UPK3A: variants seen among roughly 807,000 people sequenced by gnomAD.
UPK3A encodes the protein uroplakin-3a.
UPK3A carries 32 observed loss-of-function variants against 27.6 expected under a neutral mutation model. That is an observed-to-expected ratio of 1.16 (90% CI 0.87 to 1.55). The LOEUF is 1.55. UPK3A is among the 40% of genes most tolerant of loss of function. UPK3A has a pLI of 0.00. For missense variants in UPK3A, 370 were observed against 367.9 expected (o/e 1.01, Z -0.05); for synonymous variants, 171 against 163.9 (o/e 1.04, Z -0.33).
At chr22:45,294,813 C>G (rs1424025410) in intron 5 of UPK3A, among the ~76,000 whole-genome samples, 2 of 151,974 alleles carry the variant, frequency 1.3e-5, no homozygotes, top group Non-Finnish European at 2.9e-5. Context: ...CTCCTCAGCC[C>G]TTCCTGCCTC....
intron 4 of UPK3A, among the ~76,000 whole-genome samples, chr22:45,290,759 G>A (rs760001979): frequency 2.6e-5 from 4 of 152,252 alleles, no homozygotes; most frequent in East Asian, 1.9e-4. Context: ...ATTTGCAGCC[G>A]CTCCCTGTAG....
In UPK3A at chr22:45,290,700, G is replaced by A. The variant is rs138756405; in HGVS notation, c.571+1557G>A. Among the ~76,000 whole-genome samples, 121 of 152,188 alleles carry A rather than the reference G, an allele frequency of 8.0e-4. 3 individuals carry two copies. The highest frequency in any genetic ancestry group is 2.9e-3 in the East Asian group (15 of 5,176). On this transcript the variant is annotated intron_variant, in intron 4 of 5. Coordinates refer to ENST00000216211, the MANE Select transcript of UPK3A (RefSeq NM_006953.4). ...TACCAGTCCATGGCCTGTTAGGAAC[G>A]GGACCGCGCAGCAGGAGGTGAGCAG...
intron 2 of UPK3A, 58 bp downstream of exon 2, chr22:45,286,154 A>T (rs1350522779): frequency 6.2e-7 from 1 of 1,605,136 alleles, no homozygotes; most frequent in African/African-American, 1.3e-5. Context: ...GTCTGCAGGG[A>T]GGAGGGAAGG....
In UPK3A at chr22:45,287,236, A is replaced by G; in HGVS notation, c.273A>G (p.Gln91=). Residue 91 remains glutamine, a synonymous_variant, in exon 3 of 6, where the codon CAA becomes CAG. Transcript: ENST00000216211. The part of the protein sequence containing the change: ...TNTPLGSTFL[Q]TEGGRTGPYK... ...CCCCACTGGGCTCAACGTTCCTACAAACAGAGGGTGGGAGGACAGGTCCCT... is the reference window on the plus strand; with the variant it reads ...CCCCACTGGGCTCAACGTTCCTACAGACAGAGGGTGGGAGGACAGGTCCCT... The G allele has an allele frequency of 6.2e-7, 1 of 1,614,182 alleles. No individual in the cohort carries two copies. The highest frequency in any genetic ancestry group is 8.5e-7 in the Non-Finnish European group (1 of 1,180,024).
chr22:45,293,086 C>A, intron 4 of UPK3A, 95 bp from the exon 5 acceptor site: 1 of 1,568,918 alleles, frequency 6.4e-7, no homozygotes, highest in Non-Finnish European at 8.6e-7. Context: ...CCTGGATCCC[C>A]GGCAGCCAGG....
chr22:45,286,936 A>C (rs2084122163), intron 2 of UPK3A, among the ~76,000 whole-genome samples: 1 of 152,188 alleles, frequency 6.6e-6, no homozygotes, highest in Non-Finnish European at 1.5e-5. Context: ...GGGGGGTTGC[A>C]GGAATGTCAC....
At chr22:45,286,728 G>C (rs982229723) in intron 2 of UPK3A, among the ~76,000 whole-genome samples, 35 of 152,252 alleles carry the variant, frequency 2.3e-4, no homozygotes, top group African/African-American at 8.2e-4. Flanking sequence ...GGGCACTGTA[G>C]GGAATTTCTC....
intron 2 of UPK3A, among the ~76,000 whole-genome samples, chr22:45,286,782 T>C (rs2742636): frequency 0.65 from 99,016 of 151,918 alleles, 32,809 homozygotes; most frequent in Non-Finnish European, 0.72. Context: ...TAGAGTGAGT[T>C]GTCCAAGGTC....
intron 4 of UPK3A, among the ~76,000 whole-genome samples, chr22:45,292,740 CA>C (rs942932564): frequency 6.6e-6 from 1 of 151,188 alleles, no homozygotes; most frequent in Non-Finnish European, 1.5e-5. Context: ...CCCATCTCTA[CA>C]AAAAAAAGTA....
intron 3 of UPK3A, among the ~76,000 whole-genome samples, chr22:45,287,699 A>G (rs1054452167): frequency 6.6e-6 from 1 of 152,002 alleles, no homozygotes; most frequent in African/African-American, 2.4e-5. Context: ...GGTCTCCACC[A>G]TTTCCCAGGC....
intron 3 of UPK3A, 143 bp from the exon 4 acceptor site, chr22:45,288,918 C>T: frequency 1.3e-6 from 1 of 775,308 alleles, no homozygotes; most frequent in Non-Finnish European, 2.2e-6. Context: ...AGAGCCCGCT[C>T]AGTAGCCGTC....
chr22:45,288,593 A>C (rs908824470), intron 3 of UPK3A, among the ~76,000 whole-genome samples: 9 of 152,148 alleles, frequency 5.9e-5, no homozygotes, highest in African/African-American at 2.2e-4. Context: ...TCAGCCTCCC[A>C]AACTGTTGGG....
intron 4 of UPK3A, among the ~76,000 whole-genome samples, chr22:45,291,200 G>A (rs555585228): frequency 5.3e-5 from 8 of 152,064 alleles, no homozygotes; most frequent in Non-Finnish European, 8.8e-5. Context: ...GGTTGTGTGT[G>A]TGAATATGAG....
rs77091115 is a variant in UPK3A, at chr22:45,289,577, C to CAA, written c.571+449_571+450dup. Among the ~76,000 whole-genome samples, 22 of 80,196 alleles carry CAA rather than the reference C, an allele frequency of 2.7e-4. 1 individual carries two copies. Among genetic ancestry groups the CAA allele is most frequent in the South Asian group, 7.1e-4 (2 of 2,830 alleles). 52.6% of individuals were successfully genotyped at this position (80,196 alleles called of 152,430 possible). ...TGGGCGACAGAGTGAGACTCCGTCT[C>CAA]AAAAAAAAAAAAAAAAGAAAAAAAA... On this transcript the variant is annotated intron_variant, in intron 4 of 5. Transcript: ENST00000216211.
chr22:45,287,957 G>A (rs550616248), intron 3 of UPK3A, among the ~76,000 whole-genome samples: 1 of 152,256 alleles, frequency 6.6e-6, no homozygotes, highest in South Asian at 2.1e-4. Flanking sequence ...GAGCTGCCAT[G>A]CCTGGCCCAT....
At chr22:45,290,331 A>G (rs1040506641) in intron 4 of UPK3A, among the ~76,000 whole-genome samples, 3 of 152,132 alleles carry the variant, frequency 2.0e-5, no homozygotes, top group African/African-American at 7.2e-5. Context: ...TGTGCATTTC[A>G]CCTGCAGAGC....
At chr22:45,288,993 C>A in intron 3 of UPK3A, 68 bp from the exon 4 acceptor site, 1 of 1,531,834 alleles carries the variant, frequency 6.5e-7, no homozygotes, top group Admixed American at 1.7e-5. Context: ...CCTACATCCC[C>A]CCACCGCCTC....
chr22:45,294,835 G>A (rs1482159877), intron 5 of UPK3A, among the ~76,000 whole-genome samples: 1 of 150,380 alleles, frequency 6.6e-6, no homozygotes. Context: ...CACCCACCAT[G>A]TGCTGACTGA....
intron 3 of UPK3A, among the ~76,000 whole-genome samples, chr22:45,287,987 G>T (rs1475319927): frequency 1.3e-5 from 2 of 152,004 alleles, no homozygotes; most frequent in East Asian, 3.9e-4. Context: ...CTTAATTGTT[G>T]AACAAGGGCC....
Sources: gnomAD v4.1 joint callset for allele counts (sites outside exome capture counted in the v4.1 genomes callset) on GRCh38, gnomAD v4.1.1 for gene constraint, MANE v1.5 for transcripts, NCBI Gene and HGNC (gene_info 2026-07-23, HGNC 2026-07-21) for gene names.